PTPRG: variants seen among roughly 807,000 people sequenced by gnomAD.
The protein encoded by PTPRG is protein tyrosine phosphatase receptor type G.
Under a neutral mutation model 165.3 loss-of-function variants are expected in PTPRG, and 102 were observed. The ratio of observed to expected loss-of-function variants is 0.62; its 90% CI spans 0.53 to 0.73. PTPRG has a LOEUF of 0.73. Among genes scored for constraint, PTPRG ranks in the 30% least tolerant of loss-of-function variants. The pLI is 0.00. For synonymous variants in PTPRG, 675 were observed against 669.5 expected (o/e 1.01, Z -0.13); for missense variants, 1,866 against 1,861.4 (o/e 1.00, Z -0.05).
chr3:61,702,875 C>A (rs964758936), intron 1 of PTPRG, among the ~76,000 whole-genome samples: 3 of 152,174 alleles, frequency 2.0e-5, no homozygotes, highest in Non-Finnish European at 2.9e-5. Context: ...CAGTTTTCTT[C>A]TTGTTAGACC....
intron 1 of PTPRG, among the ~76,000 whole-genome samples, chr3:61,609,458 A>G (rs1056785939): frequency 7.2e-5 from 11 of 152,184 alleles, no homozygotes; most frequent in Non-Finnish European, 1.3e-4. Context: ...GGTATCATCC[A>G]CAGTTTCAGG....
intron 4 of PTPRG, among the ~76,000 whole-genome samples, chr3:62,029,230 G>C (rs1028718292): frequency 1.3e-5 from 2 of 152,104 alleles, no homozygotes; most frequent in African/African-American, 4.8e-5. Context: ...TGTATCTTCT[G>C]GACACAGTTC....
chr3:62,093,976 C>A (rs566041532), intron 5 of PTPRG, among the ~76,000 whole-genome samples: 6 of 152,194 alleles, frequency 3.9e-5, no homozygotes, highest in Non-Finnish European at 8.8e-5. Flanking sequence ...TTTCCTCCTG[C>A]TTCTCCTATT....
intron 2 of PTPRG, among the ~76,000 whole-genome samples, chr3:61,862,380 C>CTTT (rs5849448): frequency 8.0e-6 from 1 of 125,352 alleles, no homozygotes; most frequent in African/African-American, 3.1e-5. Flanking sequence ...ATTACTCAGA[C>CTTT]TTTTTTTTTT....
intron 4 of PTPRG, among the ~76,000 whole-genome samples, chr3:62,074,358 T>C (rs1435880272): frequency 1.2e-4 from 9 of 77,404 alleles, no homozygotes; most frequent in Non-Finnish European, 1.8e-4. Context: ...CTTTCTTTTT[T>C]TTTTTTTTTT....
At chr3:62,096,756 C>T (rs1430965819) in intron 5 of PTPRG, among the ~76,000 whole-genome samples, 1 of 152,166 alleles carries the variant, frequency 6.6e-6, no homozygotes, top group Non-Finnish European at 1.5e-5. Flanking sequence ...ATTCTCTCCA[C>T]CCTCAGAGTT....
At chr3:62,007,488 G>A (rs1280723571) in intron 4 of PTPRG, among the ~76,000 whole-genome samples, 1 of 152,204 alleles carries the variant, frequency 6.6e-6, no homozygotes, top group Non-Finnish European at 1.5e-5. Flanking sequence ...CTTGGAGACT[G>A]AACTCAATTT....
intron 1 of PTPRG, chr3:61,743,055 CA>C: frequency 1.9e-6 from 3 of 1,592,372 alleles, no homozygotes; most frequent in Non-Finnish European, 2.6e-6. Flanking sequence ...GGTTCCGGTG[CA>C]GGACTTCCCG....
intron 5 of PTPRG, among the ~76,000 whole-genome samples, chr3:62,115,464 A>G (rs899179128): frequency 2.0e-5 from 3 of 152,218 alleles, no homozygotes; most frequent in African/African-American, 4.8e-5. Context: ...GTGATTGGTA[A>G]TGGAGGAAAG....
At chr3:61,838,792 A>G (rs1339009094) in intron 2 of PTPRG, among the ~76,000 whole-genome samples, 1 of 152,200 alleles carries the variant, frequency 6.6e-6, no homozygotes, top group Non-Finnish European at 1.5e-5. Context: ...TCTTGCTAAA[A>G]CTGTCATTTG....
chr3:61,665,307 T>G (rs1188574060), intron 1 of PTPRG, among the ~76,000 whole-genome samples: 1 of 152,150 alleles, frequency 6.6e-6, no homozygotes, highest in Non-Finnish European at 1.5e-5. Context: ...AGTATCGTTT[T>G]AAATCTATTG....
At chr3:61,883,855 G>A (rs2037956615) in intron 2 of PTPRG, among the ~76,000 whole-genome samples, 2 of 152,024 alleles carry the variant, frequency 1.3e-5, no homozygotes, top group Admixed American at 6.6e-5. Context: ...GAGACTATAG[G>A]CATGTACCAG....
chr3:61,676,019 A>G (rs2107095080), intron 1 of PTPRG, among the ~76,000 whole-genome samples: 1 of 152,296 alleles, frequency 6.6e-6, no homozygotes, highest in South Asian at 2.1e-4. Flanking sequence ...TTGTCCAGTC[A>G]TTTATTTAAG....
chr3:62,075,481 C>A (rs889712877), intron 4 of PTPRG, among the ~76,000 whole-genome samples: 1 of 152,168 alleles, frequency 6.6e-6, no homozygotes, highest in Non-Finnish European at 1.5e-5. Flanking sequence ...CGTAAGGCAA[C>A]ACATTTGTAA....
intron 1 of PTPRG, among the ~76,000 whole-genome samples, chr3:61,707,936 A>G (rs1262519670): frequency 3.9e-5 from 6 of 151,940 alleles, no homozygotes; most frequent in Non-Finnish European, 8.8e-5. Context: ...CTACAGGTGC[A>G]CACCACTGTG....
intron 4 of PTPRG, among the ~76,000 whole-genome samples, chr3:62,073,032 A>T (rs1280820550): frequency 6.6e-6 from 1 of 152,192 alleles, no homozygotes; most frequent in African/African-American, 2.4e-5. Context: ...AGGGTCTCCT[A>T]CTGGGCAAAT....
chr3:61,951,696 G>A (rs1369901372), intron 2 of PTPRG, among the ~76,000 whole-genome samples: 2 of 152,080 alleles, frequency 1.3e-5, no homozygotes, highest in Admixed American at 6.5e-5. Context: ...GTTTCTTCTT[G>A]GCAACAATTG....
intron 1 of PTPRG, among the ~76,000 whole-genome samples, chr3:61,654,782 C>CTTTTTTTTTTTTTTTT: frequency 7.7e-6 from 1 of 129,452 alleles, no homozygotes; most frequent in Non-Finnish European, 1.6e-5. Context: ...TGTGCTTTTT[C>CTTTTTTTTTTTTTTTT]TTTTTTTTTT....
intron 1 of PTPRG, among the ~76,000 whole-genome samples, chr3:61,686,165 A>G (rs1392582872): frequency 6.6e-6 from 1 of 152,136 alleles, no homozygotes; most frequent in Non-Finnish European, 1.5e-5. Context: ...ACTGAGTGTT[A>G]GAGAACTTAA....
Sources: gnomAD v4.1 joint callset for allele counts (sites outside exome capture counted in the v4.1 genomes callset) on GRCh38, gnomAD v4.1.1 for gene constraint, MANE v1.5 for transcripts, NCBI Gene and HGNC (gene_info 2026-07-23, HGNC 2026-07-21) for gene names.